Variants in MED26 observed in about 807,000 individuals in gnomAD.
MED26 encodes mediator of RNA polymerase II transcription subunit 26.
A neutral mutation model predicts 43.7 loss-of-function variants in MED26; 7 were observed. That is an observed-to-expected ratio of 0.16 (90% CI 0.09 to 0.30). MED26 has a LOEUF of 0.30. Among genes scored for constraint, MED26 ranks in the 10% least tolerant of loss-of-function variants. MED26 has a pLI of 1.00. For synonymous variants in MED26, 375 were observed against 371.1 expected (o/e 1.01, Z -0.12); for missense variants, 784 against 840.6 (o/e 0.93, Z 0.83).
intron 1 of MED26, among the ~76,000 whole-genome samples, chr19:16,615,151 G>T (rs2086218328): frequency 1.3e-5 from 2 of 152,180 alleles, no homozygotes; most frequent in African/African-American, 4.8e-5. Flanking sequence ...ATCAGACCAG[G>T]ATGCCTGCAA....
chr19:16,598,331 C>A (rs2086132061), intron 1 of MED26, among the ~76,000 whole-genome samples: 1 of 78,006 alleles, frequency 1.3e-5, no homozygotes, highest in African/African-American at 4.6e-5. Context: ...AGTAAGATTC[C>A]ATCTCAAAAA....
chr19:16,614,488 C>T (rs2086213959), intron 1 of MED26, among the ~76,000 whole-genome samples: 10 of 151,832 alleles, frequency 6.6e-5, no homozygotes, highest in Admixed American at 6.6e-4. Flanking sequence ...GATTGTGCCA[C>T]TGCACTCCAG....
At position 16,586,454 on chromosome 19, in the gene MED26, C is replaced by T. The variant is rs1428514544; in HGVS notation, c.73-8045G>A. 1.3e-5 allele frequency among the ~76,000 whole-genome samples: 2 copies of T among 152,358 alleles called. No individual in the cohort carries two copies. The highest frequency in any genetic ancestry group is 4.8e-5 in the African/African-American group (2 of 41,580). The stretch of plus-strand genomic sequence containing the variant: ...CCACCAGCCTGTGGTGATGTCGGCA[C>T]TCTGTAAAGACTCTCCTGACGTGCT... On this transcript the variant is annotated intron_variant, in intron 1 of 2. Coordinates refer to ENST00000263390, the MANE Select transcript of MED26 (RefSeq NM_004831.5). This position sits in a 1 kb window ranked among gnomAD's most constrained non-coding sequence, Gnocchi z 5.1.
rs891077052 is a variant in MED26 at position 16,628,004 on chromosome 19, C to T, written c.-61G>A. Reference sequence around the variant, plus strand: ...CGGGCGGGCGGGCTGAGGCGGGGGACGGGGGTCACTCACTCGCCGGCCTCC... The same window carrying T: ...CGGGCGGGCGGGCTGAGGCGGGGGATGGGGGTCACTCACTCGCCGGCCTCC... On this transcript the variant is annotated 5_prime_UTR_variant, in exon 1 of 3. Transcript: ENST00000263390. 8.1e-6 allele frequency: 9 copies of T among 1,110,490 alleles called. No individual in the cohort carries two copies. The highest frequency in any genetic ancestry group is 3.1e-5 in the Admixed American group (1 of 32,516). 68.8% of individuals were successfully genotyped at this position (1,110,490 alleles called of 1,614,324 possible).
At position 16,625,252 on chromosome 19, in the gene MED26, T is replaced by C. The variant is rs547599351; in HGVS notation, c.72+2620A>G. Among the ~76,000 whole-genome samples the C allele has an allele frequency of 3.7e-4, 57 of 152,338 alleles. 2 individuals carry two copies. The South Asian group carries it at 5.2e-3, about 14-fold the overall frequency. On this transcript the variant is annotated intron_variant, in intron 1 of 2. Coordinates refer to ENST00000263390, the MANE Select transcript of MED26 (RefSeq NM_004831.5). ...ATTATTAACTCTGAGCCTGCTGCTA[T>C]AGGAATTCAAATGCATACTCCAGGG...
chr19:16,581,723 G>A (rs2086046572), intron 1 of MED26, among the ~76,000 whole-genome samples: 1 of 152,256 alleles, frequency 6.6e-6, no homozygotes, highest in African/African-American at 2.4e-5. Context: ...TGGAAACTGT[G>A]TGGGAGCTGG....
chr19:16,625,301 T>C (rs920197206), intron 1 of MED26, among the ~76,000 whole-genome samples: 4 of 152,354 alleles, frequency 2.6e-5, no homozygotes, highest in Middle Eastern at 3.4e-3. Flanking sequence ...GCACAGAAAC[T>C]ACTTTCCTCC....
intron 1 of MED26, chr19:16,578,713 C>T: frequency 2.7e-6 from 1 of 368,004 alleles, no homozygotes; most frequent in Non-Finnish European, 4.9e-6. Context: ...ACAAGAGCTG[C>T]TCCTGATACT....
intron 1 of MED26, among the ~76,000 whole-genome samples, chr19:16,592,085 G>A (rs949575915): frequency 1.3e-5 from 2 of 152,174 alleles, no homozygotes; most frequent in African/African-American, 4.8e-5. Flanking sequence ...AAGGCTGTGG[G>A]CTCTGCTTGG....
intron 1 of MED26, chr19:16,624,676 G>C (rs1313457969): frequency 6.6e-6 from 1 of 152,210 alleles, no homozygotes; most frequent in Non-Finnish European, 1.5e-5. Flanking sequence ...AGCATCTCAA[G>C]CCACCTGTGA....
chr19:16,577,631 C>T lies in MED26; in HGVS notation c.199G>A (p.Glu67Lys), dbSNP rs2086019379. 2.5e-6 allele frequency: 4 copies of T among 1,591,426 alleles called. No individual in the cohort carries two copies. Among genetic ancestry groups the T allele is most frequent in the African/African-American group, 2.7e-5 (2 of 73,844 alleles). The part of the protein sequence containing the change: ...INDVRKKTKN[E>K]ELAKRAKKLL... ...TTCTTGGCCCGCTTGGCGAGCTCCT[C>T]GTTCTTGGTTTTCTTGCGGACGTCG... Residue 67 changes from glutamate to lysine, a missense_variant, in exon 3 of 3, where the codon GAG becomes AAG. Physicochemically the swap from Glu to Lys is moderately conservative, Grantham distance 56 (BLOSUM62 1). Around this residue, in one of 3 missense-constraint regions of MED26, gnomAD observed 28 missense variants for 79.4 expected, o/e 0.35. Coordinates refer to ENST00000263390, the MANE Select transcript of MED26 (RefSeq NM_004831.5). This position sits in a 1 kb window ranked among gnomAD's most constrained non-coding sequence, Gnocchi z 8.1.
rs1445484946 is a variant in MED26 at position 16,587,726 on chromosome 19, C to T, written c.73-9317G>A. 1 of 152,354 alleles carries T rather than the reference C, an allele frequency of 6.6e-6. No individual in the cohort carries two copies. The highest frequency in any genetic ancestry group is 1.5e-5 in the Non-Finnish European group (1 of 68,124). The allele number at this position is 152,354 out of a possible 1,614,324, so 9.4% of individuals were successfully genotyped here. On this transcript the variant is annotated intron_variant, in intron 1 of 2. Coordinates refer to ENST00000263390, the MANE Select transcript of MED26 (RefSeq NM_004831.5). This position sits in a 1 kb window ranked among gnomAD's most constrained non-coding sequence, Gnocchi z 4.9. ...CATGTGGCCCTCCCTGTCCTGCAGC[C>T]ACAGCTCCTGTAATGCTTGGGCAAG...
chr19:16,617,104 G>A (rs947216639), intron 1 of MED26, among the ~76,000 whole-genome samples: 2 of 152,116 alleles, frequency 1.3e-5, no homozygotes, highest in Non-Finnish European at 1.5e-5. Flanking sequence ...TCATCACCAG[G>A]GTGATGAGGA....
chr19:16,608,849 A>C (rs548402086), intron 1 of MED26, among the ~76,000 whole-genome samples: 2 of 152,366 alleles, frequency 1.3e-5, no homozygotes, highest in African/African-American at 2.4e-5. Flanking sequence ...CCTGGGGTTT[A>C]GACTTAAGAA....
intron 1 of MED26, among the ~76,000 whole-genome samples, chr19:16,602,058 G>A (rs757464173): frequency 1.3e-5 from 2 of 152,182 alleles, no homozygotes; most frequent in Non-Finnish European, 2.9e-5. Flanking sequence ...GATGGATGGC[G>A]GGATACCTGT....
chr19:16,601,179 CA>C (rs1599340673), intron 1 of MED26, among the ~76,000 whole-genome samples: 1 of 148,008 alleles, frequency 6.8e-6, no homozygotes, highest in Non-Finnish European at 1.5e-5. Context: ...TTTTTTGAGA[CA>C]GAGTTTCACT....
chr19:16,620,887 T>C (rs2086248591), intron 1 of MED26, among the ~76,000 whole-genome samples: 1 of 152,220 alleles, frequency 6.6e-6, no homozygotes, highest in South Asian at 2.1e-4. Flanking sequence ...GAATTTTCTT[T>C]AAAACAGTTA....
At chr19:16,608,368 C>T (rs951402141) in intron 1 of MED26, among the ~76,000 whole-genome samples, 7 of 152,246 alleles carry the variant, frequency 4.6e-5, no homozygotes, top group African/African-American at 1.7e-4. Flanking sequence ...TTAGTACTAT[C>T]TAGGTTTCTG....
At chr19:16,583,974 A>C (rs1037758016) in intron 1 of MED26, among the ~76,000 whole-genome samples, 3 of 152,148 alleles carry the variant, frequency 2.0e-5, no homozygotes, top group African/African-American at 7.2e-5. Flanking sequence ...GGTGCCCCAC[A>C]CTTCAGGGAT....
Sources: gnomAD v4.1 joint callset for allele counts (sites outside exome capture counted in the v4.1 genomes callset) on GRCh38, gnomAD v4.1.1 for gene constraint, gnomAD v4.1.1 regional missense constraint, Gnocchi (gnomAD v3.1) non-coding constraint, MANE v1.5 for transcripts, NCBI Gene and HGNC (gene_info 2026-07-23, HGNC 2026-07-21) for gene names.